Variants in SYNPR observed in about 807,000 individuals in gnomAD.
SYNPR encodes the protein synaptoporin.
A neutral mutation model predicts 32.9 loss-of-function variants in SYNPR; 23 were observed. The observed-to-expected ratio is 0.70, with a 90% CI of 0.50 to 0.99. SYNPR has a LOEUF of 0.99. Among genes scored for constraint, SYNPR ranks in the 50% least tolerant of loss-of-function variants. SYNPR has a pLI of 0.00. For missense variants in SYNPR, 318 were observed against 349.3 expected, an observed-to-expected ratio of 0.91 and a Z score of 0.71; for synonymous variants, 146 against 135.9, an observed-to-expected ratio of 1.07 and a Z score of -0.52.
intron 3 of SYNPR, among the ~76,000 whole-genome samples, chr3:63,512,168 C>T (rs562014731): frequency 1.3e-5 from 2 of 152,174 alleles, no homozygotes; most frequent in South Asian, 2.1e-4. Flanking sequence ...GGTATACTAC[C>T]TTCAAGAATG....
In SYNPR at chr3:63,452,019, C is replaced by T. The variant is rs373325063; in HGVS notation, c.85-28813C>T. The T allele has an allele frequency of 4.7e-5, 33 of 698,172 alleles. No individual in the cohort carries two copies. In the African/African-American group the frequency reaches 5.6e-4, roughly 12 times the overall value. The allele number at this position is 698,172 out of a possible 1,614,324, so 43.2% of individuals were successfully genotyped here. On this transcript the variant is annotated intron_variant, in intron 2 of 5. Coordinates refer to ENST00000478300, the MANE Select transcript of SYNPR (RefSeq NM_001130003.2). ...CACCCTCCTTTCTTCCTCCCCCAGACCAGTTCCCTGATATAATTTTTTTCT... is the reference window on the plus strand; with the variant it reads ...CACCCTCCTTTCTTCCTCCCCCAGATCAGTTCCCTGATATAATTTTTTTCT...
rs139398803 is a variant in SYNPR at position 63,320,654 on chromosome 3, G to A, written c.84+41912G>A. On this transcript the variant is annotated intron_variant, in intron 2 of 5. Coordinates refer to ENST00000478300, the MANE Select transcript of SYNPR (RefSeq NM_001130003.2). Reference sequence around the variant, plus strand: ...GAAAATATTTAATGAATGATTGTGTGAATGAATAAACTTTTATTAACTCAT... The same window carrying A: ...GAAAATATTTAATGAATGATTGTGTAAATGAATAAACTTTTATTAACTCAT... Among the ~76,000 whole-genome samples the A allele has an allele frequency of 8.5e-5, 13 of 152,146 alleles. No individual in the cohort carries two copies. In the East Asian group the frequency reaches 2.3e-3, roughly 27 times the overall value.
At chr3:63,523,087 T>C (rs888369087) in intron 3 of SYNPR, among the ~76,000 whole-genome samples, 1 of 151,740 alleles carries the variant, frequency 6.6e-6, no homozygotes, top group Non-Finnish European at 1.5e-5. Context: ...ATTTTGGAGG[T>C]TGGAAAACAG....
chr3:63,315,511 G>T (rs974273208), intron 2 of SYNPR, among the ~76,000 whole-genome samples: 5 of 151,854 alleles, frequency 3.3e-5, no homozygotes, highest in Admixed American at 6.6e-5. Flanking sequence ...TTGTAAAAGG[G>T]GTTGAGTTCT....
In SYNPR at chr3:63,588,910, A is replaced by G. The variant is rs866638388; in HGVS notation, c.409-20215A>G. Among the ~76,000 whole-genome samples, 32 of 152,230 alleles carry G rather than the reference A, an allele frequency of 2.1e-4. No individual in the cohort carries two copies. The South Asian group carries it at 3.5e-3, about 17-fold the overall frequency. ...AGGTGGGGAAGTATAGAGAGACAAT[A>G]GTCTCAGCAGCCATGTGAGACACCC... On this transcript the variant is annotated intron_variant, in intron 4 of 5. Transcript: ENST00000478300.
chr3:63,290,530 C>T (rs2086728472), intron 2 of SYNPR, among the ~76,000 whole-genome samples: 1 of 151,854 alleles, frequency 6.6e-6, no homozygotes. Context: ...AAAACACTCC[C>T]ACTCCTTGAG....
chr3:63,605,359 C>CT (rs1397348441), intron 4 of SYNPR, among the ~76,000 whole-genome samples: 1 of 152,202 alleles, frequency 6.6e-6, no homozygotes, highest in Non-Finnish European at 1.5e-5. Context: ...ATTTGCCCTT[C>CT]TACACGATGG....
At chr3:63,227,626 G>A (rs147259765), upstream of SYNPR, among the ~76,000 whole-genome samples, 4 of 152,262 alleles carry the variant, frequency 2.6e-5, no homozygotes, top group East Asian at 7.7e-4. Flanking sequence ...TTGGCATGTA[G>A]GCTTTGTCCT....
chr3:63,599,629 C>T (rs189658648), intron 4 of SYNPR, among the ~76,000 whole-genome samples: 178 of 152,174 alleles, frequency 1.2e-3, no homozygotes, highest in African/African-American at 3.7e-3. Flanking sequence ...TTTTTCAGAA[C>T]GTATCCCTGT....
intron 2 of SYNPR, among the ~76,000 whole-genome samples, chr3:63,301,829 T>C (rs2086861571): frequency 6.6e-6 from 1 of 152,054 alleles, no homozygotes; most frequent in African/African-American, 2.4e-5. Flanking sequence ...AAAGTTCTCA[T>C]CTTGTCTTCT....
chr3:63,586,193 C>T (rs990134263), intron 4 of SYNPR, among the ~76,000 whole-genome samples: 9 of 151,754 alleles, frequency 5.9e-5, no homozygotes, highest in African/African-American at 2.2e-4. Context: ...AATGGGTCTT[C>T]AATTCTAGAA....
chr3:63,235,350 C>T (rs2086193377), intron 1 of SYNPR, among the ~76,000 whole-genome samples: 1 of 152,136 alleles, frequency 6.6e-6, no homozygotes, highest in South Asian at 2.1e-4. Flanking sequence ...AATTTACTGT[C>T]CACCTATTTT....
chr3:63,448,242 G>A (rs969364506), intron 2 of SYNPR, among the ~76,000 whole-genome samples: 1 of 150,724 alleles, frequency 6.6e-6, no homozygotes, highest in Non-Finnish European at 1.5e-5. Flanking sequence ...AACCTCAGGT[G>A]ATCCTCCTGC....
intron 2 of SYNPR, among the ~76,000 whole-genome samples, chr3:63,391,964 C>A (rs1257779963): frequency 6.6e-6 from 1 of 152,128 alleles, no homozygotes; most frequent in Non-Finnish European, 1.5e-5. Context: ...ATCCCATTGC[C>A]CCTTCCTAAG....
At chr3:63,364,398 AATAG>A (rs1281172157) in intron 2 of SYNPR, among the ~76,000 whole-genome samples, 14 of 152,298 alleles carry the variant, frequency 9.2e-5, no homozygotes, top group African/African-American at 2.6e-4. Flanking sequence ...CAAATACTCA[AATAG>A]ATAGAGTGCT....
At chr3:63,553,198 T>C (rs1015537187) in intron 3 of SYNPR, among the ~76,000 whole-genome samples, 3 of 152,252 alleles carry the variant, frequency 2.0e-5, no homozygotes, top group Non-Finnish European at 4.4e-5. Context: ...TATTTGGTTT[T>C]CTGCCCCTGC....
At chr3:63,501,794 T>A (rs961457114) in intron 3 of SYNPR, among the ~76,000 whole-genome samples, 2 of 152,146 alleles carry the variant, frequency 1.3e-5, no homozygotes, top group African/African-American at 4.8e-5. Flanking sequence ...TAACACAATG[T>A]TAGAAAGTAA....
intron 2 of SYNPR, among the ~76,000 whole-genome samples, chr3:63,313,784 CAT>C (rs1206662510): frequency 0.017 from 129 of 7,450 alleles, 18 homozygotes; most frequent in African/African-American, 0.071. Flanking sequence ...TATATATATC[CAT>C]ATATATATAT....
chr3:63,238,711 T>C (rs755413669), intron 1 of SYNPR, among the ~76,000 whole-genome samples: 5 of 152,212 alleles, frequency 3.3e-5, no homozygotes, highest in Non-Finnish European at 7.3e-5. Flanking sequence ...ATGGAGCTTA[T>C]ATGTTTTGAC....
Sources: allele counts gnomAD v4.1 joint callset (sites outside exome capture counted in the v4.1 genomes callset), GRCh38; gene constraint gnomAD v4.1.1; transcripts MANE v1.5; gene names NCBI Gene and HGNC (gene_info 2026-07-23, HGNC 2026-07-21).